The following UNC5B variants were observed in gnomAD, a reference collection of about 807,000 sequenced individuals.
UNC5B encodes unc-5 netrin receptor B, also known as netrin receptor UNC5B.
Under a neutral mutation model 103.7 loss-of-function variants are expected in UNC5B, and 56 were observed. That is an observed-to-expected ratio of 0.54 (90% CI 0.44 to 0.67). The LOEUF is 0.67. Among genes scored for constraint, UNC5B ranks in the 30% least tolerant of loss-of-function variants. The pLI, the probability that UNC5B is intolerant of heterozygous loss-of-function variation, is 0.00. For synonymous variants in UNC5B, 577 were observed against 542.0 expected, an observed-to-expected ratio of 1.06 and a Z score of -0.90; for missense variants, 1,194 against 1,284.5, an observed-to-expected ratio of 0.93 and a Z score of 1.08.
At chr10:71,236,485 C>A (rs1192319236) in intron 1 of UNC5B, among the ~76,000 whole-genome samples, 2 of 152,158 alleles carry the variant, frequency 1.3e-5, no homozygotes, top group East Asian at 3.9e-4. Context: ...CCCTTCAGAG[C>A]CAGCTCGTAA....
chr10:71,215,521 A>G (rs1843311739), intron 1 of UNC5B, among the ~76,000 whole-genome samples: 1 of 151,964 alleles, frequency 6.6e-6, no homozygotes, highest in African/African-American at 2.4e-5. Context: ...CACTGAGAAT[A>G]TTTTTAAGCT....
intron 1 of UNC5B, among the ~76,000 whole-genome samples, chr10:71,215,926 C>G (rs1338892340): frequency 6.6e-6 from 1 of 152,058 alleles, no homozygotes; most frequent in Non-Finnish European, 1.5e-5. Flanking sequence ...ACCCATCTCA[C>G]TTAAACAAAT....
In UNC5B at chr10:71,288,938, C is replaced by A; in HGVS notation, c.1067-20C>A. 1 of 1,613,396 alleles carries A rather than the reference C, an allele frequency of 6.2e-7. No homozygotes were observed. The highest frequency in any genetic ancestry group is 2.2e-5 in the East Asian group (1 of 44,884). ...CCCTGTCACCTATGTCATTGTCTTT[C>A]CCTTTATTTCCCTTGACAGATAAGA... is the stretch of plus-strand genomic sequence containing the variant. On this transcript the variant is annotated intron_variant, in intron 7 of 16. Coordinates refer to ENST00000335350, the MANE Select transcript of UNC5B (RefSeq NM_170744.5).
At chr10:71,243,604 C>A (rs1024711370) in intron 1 of UNC5B, among the ~76,000 whole-genome samples, 5 of 152,216 alleles carry the variant, frequency 3.3e-5, no homozygotes, top group Admixed American at 3.3e-4. Context: ...AGGTTCTCAG[C>A]CAGGGTTAGT....
intron 1 of UNC5B, among the ~76,000 whole-genome samples, chr10:71,277,281 G>T (rs117576074): frequency 6.6e-6 from 1 of 152,182 alleles, no homozygotes; most frequent in African/African-American, 2.4e-5. Flanking sequence ...TTCTCCTGTG[G>T]CCATGACCTG....
intron 1 of UNC5B, among the ~76,000 whole-genome samples, chr10:71,225,323 C>T (rs914532715): frequency 6.6e-5 from 10 of 152,238 alleles, no homozygotes; most frequent in South Asian, 2.1e-4. Context: ...CTGGACTATG[C>T]GGTGCATCCT....
At chr10:71,271,935 C>G (rs1046203963) in intron 1 of UNC5B, among the ~76,000 whole-genome samples, 2 of 152,142 alleles carry the variant, frequency 1.3e-5, no homozygotes, top group African/African-American at 4.8e-5. Context: ...CCCGCCAGCC[C>G]CCATTTGTCA....
intron 2 of UNC5B, among the ~76,000 whole-genome samples, chr10:71,283,548 T>C (rs1844985170): frequency 6.6e-6 from 1 of 152,168 alleles, no homozygotes; most frequent in East Asian, 1.9e-4. Context: ...CATGGTGCAA[T>C]GAGAGGATGA....
At chr10:71,281,666 A>G (rs1014106971) in intron 2 of UNC5B, among the ~76,000 whole-genome samples, 84 of 152,224 alleles carry the variant, frequency 5.5e-4, no homozygotes, top group Non-Finnish European at 6.2e-4. Flanking sequence ...AAGGGGAAAC[A>G]AAACAACACA....
Position 71,291,560 on chromosome 10 carries a change from G to A in UNC5B, c.1423G>A (p.Asp475Asn), listed in dbSNP as rs756143939. 13 of 1,614,124 alleles carry A rather than the reference G, an allele frequency of 8.1e-6. No individual in the cohort carries two copies. In the South Asian group the frequency reaches 1.2e-4, roughly 15 times the overall value. ...KIPMTNSPLL[D>N]PLPSLKVKVY... Reference sequence around the variant, plus strand: ...CCCCATGACCAACTCTCCTCTGCTGGACCCCTTACCCAGCCTTAAGGTCAA... The same window carrying A: ...CCCCATGACCAACTCTCCTCTGCTGAACCCCTTACCCAGCCTTAAGGTCAA... The change falls in exon 10 of 17, where the codon GAC (aspartate) becomes AAC (asparagine). Residue 475 changes from aspartate (D) to asparagine (N), a missense_variant. By Grantham distance (23) the Asp-to-Asn change is conservative. Coordinates refer to ENST00000335350, the MANE Select transcript of UNC5B (RefSeq NM_170744.5).
intron 1 of UNC5B, among the ~76,000 whole-genome samples, chr10:71,272,026 G>C (rs1405391788): frequency 6.6e-6 from 1 of 152,186 alleles, no homozygotes; most frequent in East Asian, 1.9e-4. Flanking sequence ...CCAGATGGAG[G>C]AAGAGCTTTG....
intron 1 of UNC5B, among the ~76,000 whole-genome samples, chr10:71,231,351 C>A (rs886433477): frequency 6.6e-6 from 1 of 152,212 alleles, no homozygotes; most frequent in Non-Finnish European, 1.5e-5. Context: ...GGAGTGCTCT[C>A]GCACTGAGCT....
At chr10:71,298,129 C>T (rs1237769625) in intron 16 of UNC5B, 39 bp downstream of exon 16, 4 of 1,553,044 alleles carry the variant, frequency 2.6e-6, no homozygotes, top group East Asian at 4.7e-5. Context: ...CATCTGCCTT[C>T]GTCCTCAAGG....
In UNC5B at chr10:71,265,534, C is replaced by T. The variant is rs115391664; in HGVS notation, c.80-14287C>T. On this transcript the variant is annotated intron_variant, in intron 1 of 16. Coordinates refer to ENST00000335350, the MANE Select transcript of UNC5B (RefSeq NM_170744.5). The stretch of plus-strand genomic sequence containing the variant: ...TCAGGGAAACCAGCTCTGAGAATGA[C>T]GGTCTGGTGATGTGGCGATCCCCAG... 5.5e-3 allele frequency among the ~76,000 whole-genome samples: 834 copies of T among 152,344 alleles called. 4 individuals carry two copies. Among genetic ancestry groups the T allele is most frequent in the African/African-American group, 0.019 (772 of 41,580 alleles).
At chr10:71,240,170 G>A (rs1843866519) in intron 1 of UNC5B, among the ~76,000 whole-genome samples, 1 of 152,186 alleles carries the variant, frequency 6.6e-6, no homozygotes, top group Non-Finnish European at 1.5e-5. Context: ...CTTCTCGTGT[G>A]CCAACCTGTG....
chr10:71,216,755 C>A lies in UNC5B; in HGVS notation c.79+3691C>A, dbSNP rs150943395. Among the ~76,000 whole-genome samples the A allele has an allele frequency of 7.0e-4, 107 of 152,324 alleles. No individual in the cohort carries two copies. In the East Asian group the frequency reaches 0.016, roughly 22 times the overall value. On this transcript the variant is annotated intron_variant, in intron 1 of 16. Transcript: ENST00000335350. ...CGAGGTCTGCCTCCTACGCCCCATT[C>A]CCTGAGCCACAGAGGTTTTCTAAGG...
chr10:71,294,858 C>T (rs933633526), intron 13 of UNC5B, among the ~76,000 whole-genome samples: 1 of 152,122 alleles, frequency 6.6e-6, no homozygotes, highest in African/African-American at 2.4e-5. Flanking sequence ...CTGCCAGCCT[C>T]AGAGCCCTTG....
At chr10:71,245,132 T>C (rs59617986) in intron 1 of UNC5B, among the ~76,000 whole-genome samples, 20 of 152,272 alleles carry the variant, frequency 1.3e-4, no homozygotes, top group African/African-American at 4.8e-4. Context: ...CCCCCAACCC[T>C]GGGGACCACT....
intron 1 of UNC5B, among the ~76,000 whole-genome samples, chr10:71,254,619 A>T (rs1589168413): frequency 6.6e-6 from 1 of 152,128 alleles, no homozygotes; most frequent in African/African-American, 2.4e-5. Flanking sequence ...TGGCTTTAAA[A>T]CCAGCCATTC....
Sources: allele counts gnomAD v4.1 joint callset (sites outside exome capture counted in the v4.1 genomes callset), GRCh38; gene constraint gnomAD v4.1.1; transcripts MANE v1.5; gene names NCBI Gene and HGNC (gene_info 2026-07-23, HGNC 2026-07-21).